The following MYO1E variants were observed in gnomAD, a reference collection of about 807,000 sequenced individuals.
MYO1E encodes unconventional myosin-Ie.
In MYO1E, 68 loss-of-function variants were observed where a neutral mutation model predicts 151.1. That is an observed-to-expected ratio of 0.45 (90% confidence interval 0.37 to 0.55). The LOEUF is 0.55. Among genes scored for constraint, MYO1E ranks in the 20% least tolerant of loss-of-function variants. MYO1E has a pLI of 0.00. For synonymous variants in MYO1E, 601 were observed against 501.7 expected, an observed-to-expected ratio of 1.20 and a Z score of -2.64; for missense variants, 1,363 against 1,389.3, an observed-to-expected ratio of 0.98 and a Z score of 0.30.
chr15:59,300,874 T>C (rs1258837680), intron 1 of MYO1E, among the ~76,000 whole-genome samples: 5 of 147,878 alleles, frequency 3.4e-5, no homozygotes, highest in Non-Finnish European at 6.0e-5. Context: ...TTCTTTTTTT[T>C]TTTTTTTTTT....
intron 1 of MYO1E, among the ~76,000 whole-genome samples, chr15:59,293,912 G>A (rs1953500096): frequency 2.0e-5 from 3 of 152,114 alleles, no homozygotes; most frequent in African/African-American, 4.8e-5. Flanking sequence ...GCATGGTGGC[G>A]CATGCCTGTG....
chr15:59,205,534 A>C (rs560112316), intron 14 of MYO1E, 49 bp from the exon 15 acceptor site: 426 of 1,337,490 alleles, frequency 3.2e-4, no homozygotes, highest in African/African-American at 5.5e-4. Context: ...AAATGTAATT[A>C]ATTGAACAAA....
chr15:59,198,834 A>AC (rs1332017074), intron 16 of MYO1E, among the ~76,000 whole-genome samples: 2 of 149,560 alleles, frequency 1.3e-5, no homozygotes, highest in African/African-American at 4.9e-5. Context: ...AAAAAACAAA[A>AC]AAAAAACAAA....
rs143889715 is a variant in MYO1E at position 59,250,137 on chromosome 15, G to C, written c.332+6147C>G. On this transcript the variant is annotated intron_variant, in intron 4 of 27. Transcript: ENST00000288235. ...CTCAGGCTTTTGCCCTCGGTGACTG[G>C]GCGGTGATGTCTATGCCCCTGGAAT... is the stretch of plus-strand genomic sequence containing the variant. Among the ~76,000 whole-genome samples, 45 of 152,012 alleles carry C rather than the reference G, an allele frequency of 3.0e-4. No individual in the cohort carries two copies. The East Asian group carries it at 8.3e-3, about 28-fold the overall frequency.
intron 1 of MYO1E, among the ~76,000 whole-genome samples, chr15:59,315,529 T>C (rs1384091563): frequency 6.7e-6 from 1 of 149,620 alleles, no homozygotes; most frequent in Non-Finnish European, 1.5e-5. Flanking sequence ...ATCTTGCACA[T>C]GTACCCTAGA....
In MYO1E at chr15:59,348,100, G is replaced by A. The variant is rs374423746; in HGVS notation, c.3+24398C>T. 1.1e-4 allele frequency among the ~76,000 whole-genome samples: 17 copies of A among 152,026 alleles called. No homozygotes were observed. The East Asian group carries it at 2.1e-3, about 19-fold the overall frequency. ...CCTCCTCAGGTGGTTTTGATGCCTC[G>A]CCATGTTTTGGAGGCCTCTGGTCTA... On this transcript the variant is annotated intron_variant, in intron 1 of 27. Coordinates refer to ENST00000288235, the MANE Select transcript of MYO1E (RefSeq NM_004998.4).
At chr15:59,226,353 A>C (rs1412911639) in intron 7 of MYO1E, among the ~76,000 whole-genome samples, 1 of 152,216 alleles carries the variant, frequency 6.6e-6, no homozygotes. Context: ...ACTAAACACG[A>C]AATGAAACAA....
intron 1 of MYO1E, among the ~76,000 whole-genome samples, chr15:59,309,992 T>C (rs1459911340): frequency 6.6e-6 from 1 of 152,202 alleles, no homozygotes; most frequent in African/African-American, 2.4e-5. Flanking sequence ...CTTTCCTCTC[T>C]GTTCTCACAG....
intron 15 of MYO1E, among the ~76,000 whole-genome samples, chr15:59,204,221 G>A (rs2079818955): frequency 6.6e-6 from 1 of 152,206 alleles, no homozygotes; most frequent in African/African-American, 2.4e-5. Context: ...CAAAATCTCA[G>A]AAATGGTGGT....
intron 9 of MYO1E, among the ~76,000 whole-genome samples, chr15:59,222,575 G>A (rs1396178674): frequency 1.3e-5 from 2 of 152,172 alleles, no homozygotes; most frequent in Non-Finnish European, 2.9e-5. Context: ...GAAATCCAAT[G>A]TAATCCAATC....
At chr15:59,165,089 C>T (rs1412355391) in intron 22 of MYO1E, among the ~76,000 whole-genome samples, 2 of 152,192 alleles carry the variant, frequency 1.3e-5, no homozygotes, top group Non-Finnish European at 2.9e-5. Flanking sequence ...CCTTGGACTT[C>T]CCGGTCTCTA....
intron 1 of MYO1E, among the ~76,000 whole-genome samples, chr15:59,307,954 C>T (rs1438958003): frequency 6.7e-6 from 1 of 149,918 alleles, no homozygotes; most frequent in Non-Finnish European, 1.5e-5. Flanking sequence ...CGGTGGCTCA[C>T]GCCTGTAATC....
rs1371692819 is a variant in MYO1E, at chr15:59,134,739, G to C, written c.*2641C>G. The C allele has an allele frequency of 6.6e-5, 10 of 152,196 alleles. No homozygotes were observed. The highest frequency in any genetic ancestry group is 2.4e-4 in the African/African-American group (10 of 41,434). 9.4% of individuals were successfully genotyped at this position (152,196 alleles called of 1,614,324 possible). On this transcript the variant is annotated 3_prime_UTR_variant, in exon 28 of 28. Coordinates refer to ENST00000288235, the MANE Select transcript of MYO1E (RefSeq NM_004998.4). Reference sequence around the variant, plus strand: ...CATGAACACCCCTTATTTCAAACAGGATGGCAAGTTCCAGAAGGTGGGGGT... The same window carrying C: ...CATGAACACCCCTTATTTCAAACAGCATGGCAAGTTCCAGAAGGTGGGGGT...
At chr15:59,372,392 T>G (rs2140448843) in intron 1 of MYO1E, 106 bp downstream of exon 1, 1 of 1,394,622 alleles carries the variant, frequency 7.2e-7, no homozygotes, top group Non-Finnish European at 9.8e-7. Context: ...GCGTCCACCT[T>G]CTCCACCCCT....
chr15:59,201,703 C>T (rs1280339670), intron 16 of MYO1E, among the ~76,000 whole-genome samples: 2 of 152,186 alleles, frequency 1.3e-5, no homozygotes, highest in Non-Finnish European at 2.9e-5. Flanking sequence ...CGCACCCAGC[C>T]CACAAACTCT....
At chr15:59,224,622 C>A (rs1235201743) in intron 8 of MYO1E, 67 bp downstream of exon 8, 1 of 1,600,380 alleles carries the variant, frequency 6.2e-7, no homozygotes, top group African/African-American at 1.3e-5. Context: ...ACCTTCACTG[C>A]CCTTTTGGCC....
At chr15:59,364,762 G>A (rs1487540572) in intron 1 of MYO1E, among the ~76,000 whole-genome samples, 5 of 151,868 alleles carry the variant, frequency 3.3e-5, no homozygotes, top group African/African-American at 9.7e-5. Flanking sequence ...ACAGTTGGCC[G>A]GGCATGGTAG....
intron 1 of MYO1E, among the ~76,000 whole-genome samples, chr15:59,284,476 G>T (rs1463237572): frequency 4.6e-5 from 7 of 151,594 alleles, no homozygotes; most frequent in African/African-American, 1.7e-4. Context: ...TTGAGACAGG[G>T]TCTCACTTTG....
chr15:59,212,055 C>G (rs2079882392), intron 12 of MYO1E, among the ~76,000 whole-genome samples: 1 of 152,100 alleles, frequency 6.6e-6, no homozygotes, highest in Admixed American at 6.5e-5. Flanking sequence ...CTGTAACACC[C>G]AAAGTCTCAG....
Sources: allele counts gnomAD v4.1 joint callset (sites outside exome capture counted in the v4.1 genomes callset), GRCh38; gene constraint gnomAD v4.1.1; transcripts MANE v1.5; gene names NCBI Gene and HGNC (gene_info 2026-07-23, HGNC 2026-07-21).